Variants in WNK1 observed in about 807,000 individuals in gnomAD.
WNK1 encodes serine/threonine-protein kinase WNK1.
Under a neutral mutation model 222.8 loss-of-function variants are expected in WNK1, and 38 were observed. The observed-to-expected ratio is 0.17, with a 90% confidence interval of 0.13 to 0.22. The LOEUF is 0.22. WNK1 is among the 10% of genes least tolerant of loss of function. The probability of loss-of-function intolerance (pLI) is 1.00; values close to 1 mark genes in which losing one functional copy is unlikely to be tolerated. For synonymous variants in WNK1, 1,090 were observed against 1,092.9 expected (o/e 1.00, Z 0.05); for missense variants, 2,348 against 2,918.4 (o/e 0.80, Z 4.50).
chr12:773,361 A>T (rs1942758939), intron 1 of WNK1, among the ~76,000 whole-genome samples: 1 of 152,230 alleles, frequency 6.6e-6, no homozygotes, highest in Non-Finnish European at 1.5e-5. Context: ...CACTCAAGAT[A>T]ACCTAAGTTG....
rs775207961 is a variant in WNK1, at chr12:859,441, C to A, written c.1597C>A (p.Pro533Thr). The A allele has an allele frequency of 3.1e-6, 5 of 1,611,306 alleles. No individual in the cohort carries two copies. Among genetic ancestry groups the A allele is most frequent in the Non-Finnish European group, 3.4e-6 (4 of 1,178,646 alleles). ...EFSFDLERDV[P>T]EDVAQEMVES... ...TTCTTTTGATTTAGAGAGAGATGTC[C>A]CAGAAGATGTTGCACAAGAAATGGT... Residue 533 changes from proline to threonine, a missense_variant, in exon 6 of 28, where the codon CCA becomes ACA. By Grantham distance (38) the Pro-to-Thr change is conservative. Coordinates refer to ENST00000315939, the MANE Select transcript of WNK1 (RefSeq NM_018979.4).
intron 1 of WNK1, among the ~76,000 whole-genome samples, chr12:778,421 C>A (rs1385478476): frequency 6.6e-6 from 1 of 152,052 alleles, no homozygotes; most frequent in Non-Finnish European, 1.5e-5. Flanking sequence ...CAACCTCCAC[C>A]TCCCGGGTTC....
intron 4 of WNK1, among the ~76,000 whole-genome samples, chr12:856,955 C>T (rs1950838871): frequency 6.6e-6 from 1 of 152,080 alleles, no homozygotes; most frequent in Non-Finnish European, 1.5e-5. Context: ...AAGTAAGTGA[C>T]CCTGCTGTCA....
chr12:908,555 C>T lies in WNK1; in HGVS notation c.6912C>T (p.Pro2304=). ...SMTSNLGGSA[P]ISAASATSLG... ...CCTCGAACCTGGGTGGCTCTGCCCC[C>T]ATCTCTGCAGCATCAGCTACCTCTC... The change falls in exon 28 of 28, where the codon CCC becomes CCT. Residue 2304 remains proline (P), a synonymous_variant. Transcript: ENST00000315939. The T allele has an allele frequency of 6.2e-7, 1 of 1,614,168 alleles. No individual in the cohort carries two copies. Among genetic ancestry groups the T allele is most frequent in the Non-Finnish European group, 8.5e-7 (1 of 1,180,036 alleles).
chr12:838,078 A>AGTGTGTGTGTGTGT (rs3072742), intron 4 of WNK1, among the ~76,000 whole-genome samples: 12 of 148,888 alleles, frequency 8.1e-5, no homozygotes, highest in African/African-American at 3.0e-4. Flanking sequence ...GTAATATTCC[A>AGTGTGTGTGTGTGT]GTGTGTGTGT....
At chr12:775,428 A>G (rs1006646831) in intron 1 of WNK1, among the ~76,000 whole-genome samples, 3 of 152,130 alleles carry the variant, frequency 2.0e-5, no homozygotes, top group African/African-American at 7.2e-5. Context: ...CCTAACGTAA[A>G]GTTTGATCAG....
chr12:779,671 G>A (rs1943492652), intron 1 of WNK1, among the ~76,000 whole-genome samples: 1 of 151,896 alleles, frequency 6.6e-6, no homozygotes, highest in African/African-American at 2.4e-5. Flanking sequence ...CAAAGTGCTG[G>A]GATTACAGGC....
intron 2 of WNK1, among the ~76,000 whole-genome samples, chr12:822,310 T>A (rs377006745): frequency 6.6e-6 from 1 of 152,012 alleles, no homozygotes; most frequent in East Asian, 1.9e-4. Context: ...GTCAGGCTGG[T>A]CTCAAACTCC....
chr12:847,291 T>G (rs959444528), intron 4 of WNK1, among the ~76,000 whole-genome samples: 14 of 152,226 alleles, frequency 9.2e-5, no homozygotes, highest in African/African-American at 3.1e-4. Context: ...TACTGAGTTT[T>G]CTGATATACT....
chr12:807,597 G>A (rs1398321210), intron 1 of WNK1, among the ~76,000 whole-genome samples: 1 of 151,374 alleles, frequency 6.6e-6, no homozygotes, highest in African/African-American at 2.4e-5. Flanking sequence ...TTCCCCTTTG[G>A]CAAACCCTCA....
intron 9 of WNK1, among the ~76,000 whole-genome samples, chr12:877,691 ATGTC>A (rs1470983169): frequency 6.6e-6 from 1 of 152,220 alleles, no homozygotes. Flanking sequence ...AAATTTGAAA[ATGTC>A]TGTTATTCCA....
chr12:911,058 C>T lies in WNK1; in HGVS notation c.*2266C>T, dbSNP rs548847463. On this transcript the variant is annotated 3_prime_UTR_variant, in exon 28 of 28. Coordinates refer to ENST00000315939, the MANE Select transcript of WNK1 (RefSeq NM_018979.4). ...TATTTGGGTTTAATAATAATTTTGA[C>T]ATCTTTTCACTCATACACAAAAAAA... 1 of 371,198 alleles carries T rather than the reference C, an allele frequency of 2.7e-6. No homozygotes were observed. The highest frequency in any genetic ancestry group is 4.8e-6 in the Non-Finnish European group (1 of 210,420). The allele number at this position is 371,198 out of a possible 1,614,324, so 23.0% of individuals were successfully genotyped here. A position where few individuals can be genotyped will look rare whatever the true frequency, so the allele number is the denominator to read the frequency against.
At chr12:883,175 T>C (rs930688138) in intron 15 of WNK1, 116 bp downstream of exon 15, 1 of 1,003,126 alleles carries the variant, frequency 1.0e-6, no homozygotes, top group African/African-American at 1.6e-5. Context: ...ATGCATTTAC[T>C]TCAATGTGAA....
chr12:881,026 T>C, intron 12 of WNK1, 27 bp downstream of exon 12: 3 of 1,613,576 alleles, frequency 1.9e-6, no homozygotes, highest in African/African-American at 1.3e-5. Flanking sequence ...CATGTTTATA[T>C]GTAAAACGTA....
chr12:837,594 A>T (rs1384782799), intron 4 of WNK1, among the ~76,000 whole-genome samples: 2,186 of 149,956 alleles, frequency 0.015, 57 homozygotes, highest in African/African-American at 0.05. Flanking sequence ...AAAAAAAAAG[A>T]AAAGAAAAGA....
intron 8 of WNK1, chr12:868,593 C>A (rs758286005): frequency 6.2e-7 from 1 of 1,614,022 alleles, no homozygotes; most frequent in Non-Finnish European, 8.5e-7. Flanking sequence ...GCTGTGTTAA[C>A]TCATAACAAT....
At chr12:834,442 A>G (rs749483034) in intron 4 of WNK1, among the ~76,000 whole-genome samples, 8 of 152,184 alleles carry the variant, frequency 5.3e-5, no homozygotes, top group Non-Finnish European at 8.8e-5. Flanking sequence ...GAGAGAGAGA[A>G]GTAGAAATCA....
rs79816263 is a variant in WNK1 at position 879,689 on chromosome 12, G to A, written c.2490G>A (p.Pro830=). ...SGAHFLPVGQ[P]LPTPLLPQYP... is the part of the protein sequence containing the mutation. ...CTCATTTCCTTCCAGTGGGACAGCC[G>A]CTCCCTACTCCCTTGCTCCCTCAGT... Residue 830 remains proline (P), a synonymous_variant, in exon 11 of 28, where the codon CCG becomes CCA. Coordinates refer to ENST00000315939, the MANE Select transcript of WNK1 (RefSeq NM_018979.4). 3,423 of 1,613,440 alleles carry A rather than the reference G, an allele frequency of 2.1e-3. 11 individuals carry two copies. The highest frequency in any genetic ancestry group is 5.3e-3 in the Admixed American group (320 of 59,950).
chr12:784,582 A>T (rs907718416), intron 1 of WNK1, among the ~76,000 whole-genome samples: 3 of 152,232 alleles, frequency 2.0e-5, no homozygotes, highest in Non-Finnish European at 4.4e-5. Context: ...TACAAATTTA[A>T]TAAGTTGTCC....
Sources: allele counts gnomAD v4.1 joint callset (sites outside exome capture counted in the v4.1 genomes callset), GRCh38; gene constraint gnomAD v4.1.1; transcripts MANE v1.5; gene names NCBI Gene and HGNC (gene_info 2026-07-23, HGNC 2026-07-21).